EPHB1: variants seen among roughly 807,000 people sequenced by gnomAD.
EPHB1 encodes the protein ephrin type-B receptor 1.
Under a neutral mutation model 94.4 loss-of-function variants are expected in EPHB1, and 30 were observed. The observed-to-expected ratio is 0.32, with a 90% confidence interval of 0.24 to 0.43. The LOEUF is 0.43. EPHB1 is among the 20% of genes least tolerant of loss of function. The pLI, the probability that EPHB1 is intolerant of heterozygous loss-of-function variation, is 1.00. For missense variants in EPHB1, 1,055 were observed against 1,308.3 expected, an observed-to-expected ratio of 0.81 and a Z score of 2.99; for synonymous variants, 522 against 489.1, an observed-to-expected ratio of 1.07 and a Z score of -0.89.
chr3:135,090,167 C>T (rs929453228), intron 3 of EPHB1, among the ~76,000 whole-genome samples: 1 of 152,224 alleles, frequency 6.6e-6, no homozygotes, highest in African/African-American at 2.4e-5. Flanking sequence ...CCCAGATGAT[C>T]TGATTTGCAA....
chr3:134,887,182 C>G (rs1369445647), intron 1 of EPHB1, among the ~76,000 whole-genome samples: 1 of 152,180 alleles, frequency 6.6e-6, no homozygotes, highest in African/African-American at 2.4e-5. Flanking sequence ...CCAAACTGGT[C>G]TCACTCTCAG....
chr3:134,929,800 C>T (rs61700785), intron 2 of EPHB1, among the ~76,000 whole-genome samples: 24,605 of 152,128 alleles, frequency 0.16, 3,146 homozygotes, highest in African/African-American at 0.35. Flanking sequence ...GCTGCTGGAG[C>T]AGAGGAGGAT....
At chr3:135,221,707 C>T (rs1943282566) in intron 12 of EPHB1, among the ~76,000 whole-genome samples, 1 of 152,164 alleles carries the variant, frequency 6.6e-6, no homozygotes, top group African/African-American at 2.4e-5. Context: ...GGCTTCATTC[C>T]ATTATCTGTC....
chr3:135,085,006 G>A (rs981700128), intron 3 of EPHB1, among the ~76,000 whole-genome samples: 3 of 152,168 alleles, frequency 2.0e-5, no homozygotes, highest in Admixed American at 1.3e-4. Flanking sequence ...GAACTTGCCC[G>A]CAACCTCACA....
At chr3:135,165,769 T>C (rs1941636170) in intron 7 of EPHB1, among the ~76,000 whole-genome samples, 199 bp from the exon 8 acceptor site, 1 of 152,226 alleles carries the variant, frequency 6.6e-6, no homozygotes, top group South Asian at 2.1e-4. Context: ...TTGTTTTCAT[T>C]GTCCTTTGTT....
chr3:134,845,140 T>A (rs569784043), intron 1 of EPHB1, among the ~76,000 whole-genome samples: 1 of 152,258 alleles, frequency 6.6e-6, no homozygotes, highest in Non-Finnish European at 1.5e-5. Context: ...TTTGGGTCAG[T>A]AGAATGCTAT....
At chr3:134,855,085 C>T (rs1008200076) in intron 1 of EPHB1, among the ~76,000 whole-genome samples, 3 of 152,046 alleles carry the variant, frequency 2.0e-5, no homozygotes, top group Admixed American at 2.0e-4. Flanking sequence ...CCTTATTATC[C>T]GTGGTGTTTA....
intron 3 of EPHB1, among the ~76,000 whole-genome samples, chr3:135,100,316 A>T (rs1285653715): frequency 6.6e-6 from 1 of 152,188 alleles, no homozygotes; most frequent in African/African-American, 2.4e-5. Context: ...CACCCTCCAC[A>T]TCTGAAAATT....
chr3:135,190,650 T>C (rs780455694), intron 10 of EPHB1, among the ~76,000 whole-genome samples: 3 of 152,214 alleles, frequency 2.0e-5, no homozygotes, highest in East Asian at 1.9e-4. Flanking sequence ...AGTTAAGCTA[T>C]TGTAGTGTTT....
intron 3 of EPHB1, among the ~76,000 whole-genome samples, chr3:134,990,709 T>C (rs1384342970): frequency 6.6e-6 from 1 of 152,226 alleles, no homozygotes. Flanking sequence ...TTTTAAATTA[T>C]CTCTAGATTA....
chr3:134,807,130 A>G (rs1202533654), intron 1 of EPHB1, among the ~76,000 whole-genome samples: 4 of 152,230 alleles, frequency 2.6e-5, no homozygotes, highest in Admixed American at 6.5e-5. Flanking sequence ...GGCCAGAGCC[A>G]CTTCCAGACT....
chr3:135,210,888 C>T (rs1279578403), intron 12 of EPHB1, among the ~76,000 whole-genome samples: 2 of 152,150 alleles, frequency 1.3e-5, no homozygotes, highest in African/African-American at 2.4e-5. Flanking sequence ...GCAAAGGATT[C>T]TCTGTAGAGT....
rs1578188126 is a variant in EPHB1 at position 134,908,819 on chromosome 3, G to A, written c.59-16997G>A. Among the ~76,000 whole-genome samples, 9 of 152,160 alleles carry A rather than the reference G, an allele frequency of 5.9e-5. No individual in the cohort carries two copies. In the South Asian group the frequency reaches 1.9e-3, roughly 32 times the overall value. On this transcript the variant is annotated intron_variant, in intron 1 of 15. Coordinates refer to ENST00000398015, the MANE Select transcript of EPHB1 (RefSeq NM_004441.5). ...CTACAGCATGGAAGAGGAGCTTCTT[G>A]TCAGAGTCCTTCAGGTCCTGCACAT...
At chr3:134,863,673 A>G (rs981109434) in intron 1 of EPHB1, among the ~76,000 whole-genome samples, 3 of 152,156 alleles carry the variant, frequency 2.0e-5, no homozygotes, top group African/African-American at 7.2e-5. Context: ...ACATTTTTTC[A>G]TTTGCTCTTT....
rs759882106 is a variant in EPHB1, at chr3:134,951,844, T to A, written c.597T>A (p.Ile199=). 16 of 1,614,024 alleles carry A rather than the reference T, an allele frequency of 9.9e-6. No individual in the cohort carries two copies. The South Asian group carries it at 1.8e-4, about 18-fold the overall frequency. Residue 199 remains isoleucine, a synonymous_variant, in exon 3 of 16, where the codon ATT becomes ATA. Transcript: ENST00000398015. This position sits in a 1 kb window ranked among gnomAD's most constrained non-coding sequence, Gnocchi z 4.5. The part of the protein sequence containing the change: ...VRVFFKKCPS[I]VQNFAVFPET... ...TCTTCTTCAAAAAGTGTCCCAGCAT[T>A]GTGCAAAATTTTGCAGTGTTTCCAG...
intron 3 of EPHB1, among the ~76,000 whole-genome samples, chr3:135,066,893 AG>A (rs1358218989): frequency 6.6e-6 from 1 of 152,174 alleles, no homozygotes; most frequent in African/African-American, 2.4e-5. Context: ...CCCTTGATGT[AG>A]TACTCTCCCC....
chr3:135,042,864 CAG>C (rs1305327819), intron 3 of EPHB1, among the ~76,000 whole-genome samples: 7 of 151,870 alleles, frequency 4.6e-5, no homozygotes, highest in African/African-American at 1.7e-4. Flanking sequence ...TTTTTTGAGA[CAG>C]AGTCTCCGTC....
intron 15 of EPHB1, among the ~76,000 whole-genome samples, chr3:135,255,868 T>C (rs1272549063): frequency 2.1e-5 from 3 of 144,442 alleles, no homozygotes; most frequent in African/African-American, 7.7e-5. Flanking sequence ...TCTTTGTAGG[T>C]CACTCAGGAC....
chr3:134,907,735 A>T (rs1219264078), intron 1 of EPHB1, among the ~76,000 whole-genome samples: 4 of 152,164 alleles, frequency 2.6e-5, no homozygotes, highest in Non-Finnish European at 5.9e-5. Flanking sequence ...TCTTATAAGA[A>T]AGAGTAGAAC....
Sources: gnomAD v4.1 joint callset for allele counts (sites outside exome capture counted in the v4.1 genomes callset) on GRCh38, gnomAD v4.1.1 for gene constraint, Gnocchi (gnomAD v3.1) non-coding constraint, MANE v1.5 for transcripts, NCBI Gene and HGNC (gene_info 2026-07-23, HGNC 2026-07-21) for gene names.